The following UBE2F variants were observed in gnomAD, a reference collection of about 807,000 sequenced individuals.
UBE2F encodes the protein NEDD8-conjugating enzyme UBE2F.
A neutral mutation model predicts 29.6 loss-of-function variants in UBE2F; 5 were observed. The ratio of observed to expected loss-of-function variants is 0.17; its 90% CI spans 0.09 to 0.36. The LOEUF (loss-of-function observed/expected upper bound fraction) is 0.36, where lower values mean the gene tolerates loss of function less well. Among genes scored for constraint, UBE2F ranks in the 10% least tolerant of loss-of-function variants. The pLI is 1.00. For synonymous variants in UBE2F, 66 were observed against 81.8 expected, an observed-to-expected ratio of 0.81 and a Z score of 1.04; for missense variants, 141 against 228.5, an observed-to-expected ratio of 0.62 and a Z score of 2.47.
chr2:238,024,601 CCCA>C (rs1296493673), intron 5 of UBE2F, among the ~76,000 whole-genome samples: 2 of 152,126 alleles, frequency 1.3e-5, no homozygotes, highest in Non-Finnish European at 2.9e-5. Flanking sequence ...ACCTCGACCT[CCCA>C]AAGTGCTGAG....
intron 2 of UBE2F, among the ~76,000 whole-genome samples, chr2:237,980,614 A>G (rs7586022): frequency 0.02 from 2,991 of 152,298 alleles, 96 homozygotes; most frequent in African/African-American, 0.069. Context: ...GCATAAATTC[A>G]GTCCACAGCG....
At chr2:237,977,178 G>C (rs2063298680) in intron 2 of UBE2F, among the ~76,000 whole-genome samples, 1 of 152,052 alleles carries the variant, frequency 6.6e-6, no homozygotes, top group African/African-American at 2.4e-5. Context: ...ACAGGGCCCA[G>C]CTGAGGTTCT....
chr2:238,040,332 G>A lies in UBE2F; in HGVS notation c.508-956G>A, dbSNP rs576531840. Among the ~76,000 whole-genome samples the A allele has an allele frequency of 1.3e-5, 2 of 152,352 alleles. No homozygotes were observed. Among genetic ancestry groups the A allele is most frequent in the African/African-American group, 2.4e-5 (1 of 41,584 alleles). On this transcript the variant is annotated intron_variant, in intron 9 of 9. Coordinates refer to ENST00000272930, the MANE Select transcript of UBE2F (RefSeq NM_080678.3). The surrounding 1 kb of genome is among the most constrained non-coding windows in gnomAD (Gnocchi z 4.4). ...CCAGGTTATACCCTGCACATTGCCA[G>A]GTGTCGGGATTATGCAGTGGAATCA...
chr2:237,971,006 C>T (rs1270285412), intron 1 of UBE2F, among the ~76,000 whole-genome samples: 2 of 152,244 alleles, frequency 1.3e-5, no homozygotes, highest in African/African-American at 4.8e-5. Flanking sequence ...AGCCACCATG[C>T]CTGGCCTGTA....
intron 2 of UBE2F, among the ~76,000 whole-genome samples, chr2:237,974,404 G>A (rs532503877): frequency 4.7e-4 from 71 of 151,940 alleles, no homozygotes; most frequent in Non-Finnish European, 8.5e-4. Flanking sequence ...TGATCAGGCT[G>A]GTCTTGAACT....
intron 2 of UBE2F, among the ~76,000 whole-genome samples, chr2:237,973,953 G>C (rs920909346): frequency 3.9e-5 from 6 of 151,980 alleles, no homozygotes; most frequent in Admixed American, 3.9e-4. Context: ...AACCTTTAAG[G>C]AGATTATAAT....
intron 1 of UBE2F, among the ~76,000 whole-genome samples, chr2:237,969,955 T>C (rs986514996): frequency 6.6e-6 from 1 of 152,210 alleles, no homozygotes; most frequent in Non-Finnish European, 1.5e-5. Context: ...AAGAAACTAA[T>C]GTTGGTTTAT....
intron 4 of UBE2F, among the ~76,000 whole-genome samples, chr2:237,995,287 A>G (rs2063667935): frequency 1.3e-5 from 2 of 152,242 alleles, no homozygotes; most frequent in South Asian, 4.1e-4. Context: ...ACAGAAGCAG[A>G]CAGAAGATTA....
chr2:237,968,453 G>A (rs1382514066), intron 1 of UBE2F, among the ~76,000 whole-genome samples: 3 of 152,160 alleles, frequency 2.0e-5, no homozygotes, highest in Non-Finnish European at 4.4e-5. Flanking sequence ...CCTGATCGGG[G>A]CCCCTTTGGC....
chr2:237,968,894 T>G (rs938986336), intron 1 of UBE2F: 13 of 974,656 alleles, frequency 1.3e-5, no homozygotes, highest in African/African-American at 1.8e-5. Context: ...GGAAAAGAAT[T>G]CTGAAGCAAC....
intron 4 of UBE2F, among the ~76,000 whole-genome samples, chr2:238,014,738 C>T (rs537286645): frequency 2.6e-5 from 4 of 152,334 alleles, no homozygotes; most frequent in African/African-American, 9.6e-5. Context: ...CATTGGATTT[C>T]TGTGTTGTGC....
chr2:238,017,161 T>C (rs2064175526), intron 5 of UBE2F, among the ~76,000 whole-genome samples: 1 of 152,186 alleles, frequency 6.6e-6, no homozygotes, highest in Non-Finnish European at 1.5e-5. Context: ...AGATAAAGTG[T>C]AGAAAGTTGA....
Position 238,010,182 on chromosome 2 carries a change from T to G in UBE2F, c.215-6384T>G, listed in dbSNP as rs182536911. Among the ~76,000 whole-genome samples the G allele has an allele frequency of 3.0e-4, 45 of 150,994 alleles. 1 individual carries two copies. In the East Asian group the frequency reaches 6.8e-3, roughly 23 times the overall value. On this transcript the variant is annotated intron_variant, in intron 4 of 9. Coordinates refer to ENST00000272930, the MANE Select transcript of UBE2F (RefSeq NM_080678.3). ...GATAGATTGAGCTTTATTTATTTGG[T>G]TTTTTTTTCGATACAGAGTCTTGCT...
At chr2:237,981,053 G>A (rs994877381) in intron 2 of UBE2F, among the ~76,000 whole-genome samples, 1 of 152,210 alleles carries the variant, frequency 6.6e-6, no homozygotes, top group African/African-American at 2.4e-5. Context: ...ATGCGGCCAC[G>A]GAATTGTGCA....
chr2:237,977,943 T>C (rs1021657325), intron 2 of UBE2F, among the ~76,000 whole-genome samples: 1 of 151,952 alleles, frequency 6.6e-6, no homozygotes, highest in Admixed American at 6.6e-5. Context: ...TCATGCAGGA[T>C]CCTTACTAAG....
intron 6 of UBE2F, among the ~76,000 whole-genome samples, chr2:238,027,579 C>T (rs575963771): frequency 3.3e-5 from 5 of 152,276 alleles, no homozygotes; most frequent in African/African-American, 1.2e-4. Flanking sequence ...CCTTCAGCCA[C>T]GTAGACTACC....
chr2:237,970,138 G>A (rs2063144915), intron 1 of UBE2F, among the ~76,000 whole-genome samples: 1 of 152,162 alleles, frequency 6.6e-6, no homozygotes. Context: ...GCTGAGGCAG[G>A]TGGATTGCTT....
chr2:238,023,812 T>C (rs1449033455), intron 5 of UBE2F, among the ~76,000 whole-genome samples: 2 of 151,966 alleles, frequency 1.3e-5, no homozygotes, highest in Non-Finnish European at 2.9e-5. Context: ...TGTGGTGGGG[T>C]TGGCGGGCGG....
At position 237,973,140 on chromosome 2, in the gene UBE2F, C is replaced by T. The variant is rs765031677; in HGVS notation, c.33C>T (p.Asp11=). 1.9e-5 allele frequency: 31 copies of T among 1,613,658 alleles called. No homozygotes were observed. Among genetic ancestry groups the T allele is most frequent in the South Asian group, 1.4e-4 (13 of 91,084 alleles). The part of the protein sequence containing the change: MLTLASKLKR[D]DGLKGSRTAA... ...CGCTAGCAAGTAAACTGAAGCGTGA[C>T]GATGGTCTCAAAGGGTCCCGGACGG... The change falls in exon 2 of 10, where the codon GAC becomes GAT. Residue 11 remains aspartate, a synonymous_variant. Transcript: ENST00000272930.
Sources: gnomAD v4.1 joint callset for allele counts (sites outside exome capture counted in the v4.1 genomes callset) on GRCh38, gnomAD v4.1.1 for gene constraint, Gnocchi (gnomAD v3.1) non-coding constraint, MANE v1.5 for transcripts, NCBI Gene and HGNC (gene_info 2026-07-23, HGNC 2026-07-21) for gene names.